The following LY75 variants were observed in gnomAD, a reference collection of about 807,000 sequenced individuals.
LY75 encodes the protein C-type lectin domain family 13 member B.
A neutral mutation model predicts 231.7 loss-of-function variants in LY75; 185 were observed. That is an observed-to-expected ratio of 0.80 (90% CI 0.71 to 0.90). The LOEUF (loss-of-function observed/expected upper bound fraction) is 0.90. LY75 is among the 40% of genes least tolerant of loss of function. The pLI is 0.00. For synonymous variants in LY75, 668 were observed against 689.0 expected, an observed-to-expected ratio of 0.97 and a Z score of 0.48; for missense variants, 1,947 against 2,050.2, an observed-to-expected ratio of 0.95 and a Z score of 0.97.
chr2:159,896,348 T>C (rs990122361), intron 2 of LY75, among the ~76,000 whole-genome samples: 2 of 151,952 alleles, frequency 1.3e-5, no homozygotes, highest in Non-Finnish European at 2.9e-5. Context: ...AGGATAGGAG[T>C]TGGGGTGAGA....
chr2:159,835,672 G>A (rs1216074829), intron 25 of LY75, 27 bp from the exon 26 acceptor site: 11 of 1,606,686 alleles, frequency 6.8e-6, no homozygotes, highest in Non-Finnish European at 9.3e-6. Context: ...TACATTTCAG[G>A]TGGCAATATT....
intron 16 of LY75, among the ~76,000 whole-genome samples, chr2:159,856,841 C>G (rs11675085): frequency 0.41 from 61,768 of 151,836 alleles, 13,246 homozygotes; most frequent in South Asian, 0.67. Context: ...ACTATTTCCT[C>G]TGGTGGCTAA....
At position 159,904,620 on chromosome 2, in the gene LY75, GA is replaced by G; in HGVS notation, c.62del (p.Phe21SerfsTer34). 6.6e-7 allele frequency: 1 copy of G among 1,509,122 alleles called. No individual in the cohort carries two copies. The highest frequency in any genetic ancestry group is 1.2e-5 in the South Asian group (1 of 81,178). The allele number at this position is 1,509,122 out of a possible 1,614,324, so 93.5% of individuals were successfully genotyped here. A position where few individuals can be genotyped will look rare whatever the true frequency, so the allele number is the denominator to read the frequency against. On this transcript the variant is annotated frameshift_variant, in exon 1 of 35. Transcript: ENST00000263636. LOFTEE classifies it high-confidence loss of function. ...PAGLLMLLFW[F>X]FDLAEPSGRA... ...GGCCAGAGGGCTCCGCGAGATCGAA[GA>G]ACCAGAAGAGCAGCATGAGGAGCCC...
At position 159,878,633 on chromosome 2, in the gene LY75, C is replaced by A; in HGVS notation, c.1604G>T (p.Arg535Ile). ...AGTACAAGTTTACTGATGGTCACAC[C>A]TGCTAGTGATAGTCAGATTGCAGTT... ...GTNCNLTITS[R>I]FEQEYLNDLM... Residue 535 changes from arginine to isoleucine, a missense_variant and splice_region_variant, in exon 10 of 35, where the codon AGA becomes ATA. By Grantham distance (97) the Arg-to-Ile change is moderately conservative. Coordinates refer to ENST00000263636, the MANE Select transcript of LY75 (RefSeq NM_002349.4). The A allele has an allele frequency of 6.2e-7, 1 of 1,613,996 alleles. No individual in the cohort carries two copies. The highest frequency in any genetic ancestry group is 1.1e-5 in the South Asian group (1 of 91,074).
chr2:159,838,431 T>G (rs563014741), intron 25 of LY75, among the ~76,000 whole-genome samples: 7 of 152,288 alleles, frequency 4.6e-5, no homozygotes, highest in African/African-American at 1.7e-4. Context: ...ATTCCAACTG[T>G]CTAAAAAATA....
At position 159,840,892 on chromosome 2, in the gene LY75, T is replaced by C. The variant is rs769028226; in HGVS notation, c.3344A>G (p.Tyr1115Cys). 1.2e-6 allele frequency: 2 copies of C among 1,614,108 alleles called. No homozygotes were observed. Among genetic ancestry groups the C allele is most frequent in the Middle Eastern group, 1.7e-4 (1 of 6,060 alleles). ...SETVKYLNNL[Y>C]KIIPKTLTWH... is the part of the protein sequence containing the mutation. ...AGTCAGAGTCTTTGGGATTATTTTG[T>C]ACAGATTATTTAGATACTTTACAGT... is the stretch of plus-strand genomic sequence containing the variant. The change falls in exon 25 of 35, where the codon TAC becomes TGC. Residue 1115 changes from tyrosine to cysteine, a missense_variant. Coordinates refer to ENST00000263636, the MANE Select transcript of LY75 (RefSeq NM_002349.4).
At chr2:159,847,735 T>C (rs1283283651) in intron 23 of LY75, among the ~76,000 whole-genome samples, 1 of 152,104 alleles carries the variant, frequency 6.6e-6, no homozygotes, top group Non-Finnish European at 1.5e-5. Context: ...ACAATCACAA[T>C]ATGCTGTGAA....
At chr2:159,839,445 A>C (rs1683936780) in intron 25 of LY75, among the ~76,000 whole-genome samples, 1 of 152,226 alleles carries the variant, frequency 6.6e-6, no homozygotes, top group Non-Finnish European at 1.5e-5. Context: ...GGAGACTAGC[A>C]TTCTTTGTTG....
intron 8 of LY75, 78 bp downstream of exon 8, chr2:159,880,997 TACGCAAAC>T (rs1323171371): frequency 1.3e-6 from 2 of 1,492,524 alleles, no homozygotes; most frequent in Non-Finnish European, 1.8e-6. Flanking sequence ...TTCCAGCTTA[TACGCAAAC>T]TTCCCAACCA....
chr2:159,847,936 A>G (rs1239288990), intron 23 of LY75, among the ~76,000 whole-genome samples: 2 of 151,910 alleles, frequency 1.3e-5, no homozygotes, highest in Non-Finnish European at 2.9e-5. Flanking sequence ...AAACAACCTA[A>G]CACCCAGCAC....
chr2:159,867,036 T>G (rs1162661617), intron 13 of LY75, among the ~76,000 whole-genome samples: 1 of 152,146 alleles, frequency 6.6e-6, no homozygotes, highest in Non-Finnish European at 1.5e-5. Flanking sequence ...CATTTCTGGC[T>G]CCTTTGCTGC....
rs577599204 is a variant in LY75, at chr2:159,869,065, C to T, written c.2117+3386G>A. Among the ~76,000 whole-genome samples the T allele has an allele frequency of 2.8e-3, 426 of 152,210 alleles. 3 individuals carry two copies. The highest frequency in any genetic ancestry group is 9.9e-3 in the African/African-American group (411 of 41,540). On this transcript the variant is annotated intron_variant, in intron 13 of 34. Coordinates refer to ENST00000263636, the MANE Select transcript of LY75 (RefSeq NM_002349.4). ...ATCGCAAGGACAGAAAACCAAACAC[C>T]GCATGTTCTCACTCACAGGTGGGAA...
rs146934188 is a variant in LY75, at chr2:159,808,374, T to G, written c.4822+75A>C. 174 of 1,608,538 alleles carry G rather than the reference T, an allele frequency of 1.1e-4. 1 individual carries two copies. The African/African-American group carries it at 2.2e-3, about 21-fold the overall frequency. Reference sequence around the variant, plus strand: ...TGAATTAGCCACTACTTAACATTCTTTAGCAAGGACGACTTGTTATTTAGG... The same window carrying G: ...TGAATTAGCCACTACTTAACATTCTGTAGCAAGGACGACTTGTTATTTAGG... On this transcript the variant is annotated intron_variant, in intron 33 of 34. Transcript: ENST00000263636.
At chr2:159,897,539 T>C (rs7601374) in intron 2 of LY75, among the ~76,000 whole-genome samples, 63,248 of 152,052 alleles carry the variant, frequency 0.42, 15,734 homozygotes, top group Non-Finnish European at 0.56. Flanking sequence ...AGAATAATTC[T>C]TGCATCCTCA....
At chr2:159,828,922 C>T (rs1683564906) in intron 28 of LY75, among the ~76,000 whole-genome samples, 1 of 152,082 alleles carries the variant, frequency 6.6e-6, no homozygotes, top group South Asian at 2.1e-4. Flanking sequence ...GGTATGATTT[C>T]ATTTATGTAA....
chr2:159,878,464 A>C lies in LY75; in HGVS notation c.1634T>G (p.Met545Arg), dbSNP rs199726317. ...TCTTAGAGATTTATCATACTTTTTC[A>C]TCAAATCATTTAGGTATTCTTGCTC... ...RFEQEYLNDL[M>R]KKYDKSLRKY... The change falls in exon 11 of 35, where the codon ATG becomes AGG. Residue 545 changes from methionine to arginine, a missense_variant. Met to Arg is a moderately conservative substitution (Grantham distance 91, BLOSUM62 -1). Coordinates refer to ENST00000263636, the MANE Select transcript of LY75 (RefSeq NM_002349.4). The C allele has an allele frequency of 1.2e-6, 2 of 1,614,016 alleles. No individual in the cohort carries two copies. The highest frequency in any genetic ancestry group is 4.5e-5 in the East Asian group (2 of 44,872).
intron 12 of LY75, among the ~76,000 whole-genome samples, chr2:159,874,684 TAAATATATATATTTTGTAAATATATGTA>T (rs1685181094): frequency 2.9e-5 from 1 of 34,404 alleles, no homozygotes; most frequent in African/African-American, 8.1e-5. Flanking sequence ...TAAATATATG[TAAATATATATATTTTGTAAATATATGTA>T]AATATATATA....
intron 3 of LY75, among the ~76,000 whole-genome samples, chr2:159,891,290 T>G (rs72957573): frequency 1.3e-3 from 195 of 152,336 alleles, no homozygotes; most frequent in Middle Eastern, 3.4e-3. Context: ...GAGGTGACTG[T>G]GACAGAGCTA....
chr2:159,812,136 T>C (rs1165292907), intron 31 of LY75: 1 of 152,034 alleles, frequency 6.6e-6, no homozygotes, highest in Non-Finnish European at 1.5e-5. Context: ...GTTTGACCTT[T>C]TTTTTTTTAA....
Sources: allele counts gnomAD v4.1 joint callset (sites outside exome capture counted in the v4.1 genomes callset), GRCh38; gene constraint gnomAD v4.1.1; transcripts MANE v1.5; gene names NCBI Gene and HGNC (gene_info 2026-07-23, HGNC 2026-07-21).